Variants in RANBP2 observed in about 807,000 individuals in gnomAD.
RANBP2 encodes E3 SUMO-protein ligase RanBP2.
In RANBP2, 57 loss-of-function variants were observed where a neutral mutation model predicts 303.6. The observed-to-expected ratio is 0.19, with a 90% confidence interval of 0.15 to 0.23. The LOEUF (loss-of-function observed/expected upper bound fraction) is 0.23. RANBP2 is among the 10% of genes least tolerant of loss of function. The pLI is 1.00. For synonymous variants in RANBP2, 1,167 were observed against 1,301.5 expected, an observed-to-expected ratio of 0.90 and a Z score of 2.23; for missense variants, 3,138 against 3,780.8, an observed-to-expected ratio of 0.83 and a Z score of 4.46.
the RANBP2 span, among the ~76,000 whole-genome samples, chr2:108,938,377 T>C: frequency 7.2e-5 from 11 of 152,236 alleles, no homozygotes; most frequent in African/African-American, 2.7e-4. Flanking sequence ...AGCAGGTGTG[T>C]GTGCACTTGT....
the RANBP2 span, among the ~76,000 whole-genome samples, chr2:109,621,333 A>G: frequency 6.6e-6 from 1 of 151,902 alleles, no homozygotes; most frequent in Non-Finnish European, 1.5e-5. Context: ...TTTGTATTTT[A>G]ATAGAGACGG....
At chr2:108,786,046 G>T (rs1393812084), downstream of RANBP2, among the ~76,000 whole-genome samples, 2 of 151,802 alleles carry the variant, frequency 1.3e-5, no homozygotes, top group Admixed American at 1.3e-4. Flanking sequence ...AGTCAGTTTT[G>T]TTTAACATAG....
the RANBP2 span, among the ~76,000 whole-genome samples, chr2:109,356,966 G>T: frequency 6.6e-6 from 1 of 152,190 alleles, no homozygotes; most frequent in Non-Finnish European, 1.5e-5. Flanking sequence ...CACTTCTGCA[G>T]CACAGATGTC....
At chr2:109,616,635 ATCT>A in the RANBP2 span, 1 of 167,064 alleles carries the variant, frequency 6.0e-6, no homozygotes, top group African/African-American at 2.4e-5. Flanking sequence ...TAAAATGGGA[ATCT>A]TCTTGGTATT....
chr2:109,049,298 C>T, the RANBP2 span, among the ~76,000 whole-genome samples: 4 of 152,204 alleles, frequency 2.6e-5, no homozygotes, highest in African/African-American at 4.8e-5. Context: ...TCTTTCTCTC[C>T]GTCTTGTCTT....
the RANBP2 span, among the ~76,000 whole-genome samples, chr2:109,210,403 T>A: frequency 6.6e-6 from 1 of 152,214 alleles, no homozygotes; most frequent in African/African-American, 2.4e-5. Context: ...TGCTCCCTCG[T>A]TTTGTCTGTA....
the RANBP2 span, among the ~76,000 whole-genome samples, chr2:108,860,046 C>T: frequency 2.0e-5 from 3 of 151,666 alleles, no homozygotes; most frequent in Non-Finnish European, 2.9e-5. Context: ...TCCTAAGTAT[C>T]TTGTGTGTGT....
the RANBP2 span, among the ~76,000 whole-genome samples, chr2:109,112,388 GGTGA>G: frequency 0.19 from 29,042 of 151,470 alleles, 3,846 homozygotes; most frequent in East Asian, 0.63. Flanking sequence ...GGCCAGTGAT[GGTGA>G]GCATTTTTTC....
At chr2:109,674,134 A>C in the RANBP2 span, among the ~76,000 whole-genome samples, 1 of 151,176 alleles carries the variant, frequency 6.6e-6, no homozygotes, top group African/African-American at 2.4e-5. Context: ...CCTCCCCAGC[A>C]CTCCTTTAAT....
At chr2:109,567,656 A>T in the RANBP2 span, among the ~76,000 whole-genome samples, 15 of 152,260 alleles carry the variant, frequency 9.9e-5, no homozygotes, top group East Asian at 1.9e-4. Flanking sequence ...TCCAACTTAA[A>T]AAACTAAACA....
chr2:109,576,409 AT>A, the RANBP2 span, among the ~76,000 whole-genome samples: 1 of 152,068 alleles, frequency 6.6e-6, no homozygotes, highest in African/African-American at 2.4e-5. Flanking sequence ...TCAAAAAATG[AT>A]ATTTTTTTTA....
At chr2:108,752,230 A>G (rs908940855) in intron 12 of RANBP2, among the ~76,000 whole-genome samples, 4 of 151,916 alleles carry the variant, frequency 2.6e-5, no homozygotes, top group African/African-American at 9.7e-5. Context: ...TTCCTTAATA[A>G]TTAAGTTCTG....
At chr2:108,976,340 A>T in the RANBP2 span, among the ~76,000 whole-genome samples, 1 of 152,220 alleles carries the variant, frequency 6.6e-6, no homozygotes, top group Non-Finnish European at 1.5e-5. Flanking sequence ...TGGGTTTGAG[A>T]GGAAGACCAC....
At chr2:109,043,625 G>A in the RANBP2 span, among the ~76,000 whole-genome samples, 109 of 152,276 alleles carry the variant, frequency 7.2e-4, no homozygotes, top group African/African-American at 2.5e-3. Context: ...GTGAGCCACC[G>A]TGCCTGGCCC....
the RANBP2 span, among the ~76,000 whole-genome samples, chr2:109,402,568 C>T: frequency 6.6e-6 from 1 of 152,222 alleles, no homozygotes; most frequent in African/African-American, 2.4e-5. Flanking sequence ...CAGTGCTGGC[C>T]CCAGCAAGGG....
At chr2:109,414,460 C>G in the RANBP2 span, among the ~76,000 whole-genome samples, 1 of 152,116 alleles carries the variant, frequency 6.6e-6, no homozygotes, top group Non-Finnish European at 1.5e-5. Context: ...GCCCCTGTTA[C>G]CATCATGGTC....
the RANBP2 span, among the ~76,000 whole-genome samples, chr2:109,568,729 A>G: frequency 6.6e-6 from 1 of 152,162 alleles, no homozygotes; most frequent in Non-Finnish European, 1.5e-5. Context: ...AACCAGGGTG[A>G]TTGATCCCTC....
the RANBP2 span, among the ~76,000 whole-genome samples, chr2:109,097,696 G>A: frequency 1.6e-3 from 237 of 149,356 alleles, no homozygotes; most frequent in Non-Finnish European, 2.8e-3. Context: ...TTTTCTCTTT[G>A]TCTTAGATTT....
At chr2:108,775,617 TTATTC>T (rs1197809994) in intron 23 of RANBP2, 110 bp from the exon 24 acceptor site, 31 of 1,054,152 alleles carry the variant, frequency 2.9e-5, no homozygotes, top group Non-Finnish European at 4.3e-5. Context: ...TGAAGTGTGT[TTATTC>T]TATCTTCTCC....
Sources: allele counts gnomAD v4.1 joint callset (sites outside exome capture counted in the v4.1 genomes callset), GRCh38; gene constraint gnomAD v4.1.1; transcripts MANE v1.5; gene names NCBI Gene and HGNC (gene_info 2026-07-23, HGNC 2026-07-21).